The following TOM1L1 variants were observed in gnomAD, a reference collection of about 807,000 sequenced individuals.
The protein encoded by TOM1L1 is target of myb1 like 1 membrane trafficking protein.
Under a neutral mutation model 63.4 loss-of-function variants are expected in TOM1L1, and 64 were observed. The observed-to-expected ratio is 1.01, with a 90% CI of 0.83 to 1.24. TOM1L1 has a LOEUF of 1.24. Among genes scored for constraint, TOM1L1 ranks in the 50% most tolerant of loss-of-function variants. The probability of loss-of-function intolerance (pLI) is 0.00; values close to 1 mark genes in which losing one functional copy is unlikely to be tolerated. For synonymous variants in TOM1L1, 166 were observed against 194.4 expected (o/e 0.85, Z 1.22); for missense variants, 536 against 567.0 (o/e 0.95, Z 0.55).
At chr17:54,949,402 ATTC>A (rs1261355941) in intron 12 of TOM1L1, 113 bp from the exon 13 acceptor site, 1 of 702,442 alleles carries the variant, frequency 1.4e-6, no homozygotes, top group Non-Finnish European at 2.4e-6. Flanking sequence ...AAAACAACTT[ATTC>A]TTGTCCAGTT....
rs568650528 is a variant in TOM1L1 at position 54,905,936 on chromosome 17, G to A, written c.222+369G>A. ...TATAATCCTAGCACTTTGGGAGGCC[G>A]AGGTGGGATGATCGCTTGAGCCCAG... On this transcript the variant is annotated intron_variant, in intron 3 of 15. Transcript: ENST00000575882. 2.6e-5 allele frequency among the ~76,000 whole-genome samples: 4 copies of A among 152,160 alleles called. No homozygotes were observed. The South Asian group carries it at 6.2e-4, about 24-fold the overall frequency.
At chr17:54,947,482 C>T (rs2049139993) in intron 12 of TOM1L1, 170 bp downstream of exon 12, 2 of 646,550 alleles carry the variant, frequency 3.1e-6, no homozygotes, top group African/African-American at 3.6e-5. Context: ...TATTTGCTAT[C>T]TCCACTTCCT....
chr17:54,908,660 A>G (rs569843375), intron 3 of TOM1L1, among the ~76,000 whole-genome samples: 2 of 152,270 alleles, frequency 1.3e-5, no homozygotes, highest in South Asian at 2.1e-4. Flanking sequence ...ATTTCCTACC[A>G]TCAGTCGGTG....
At chr17:54,921,331 G>A (rs1391734861) in intron 7 of TOM1L1, among the ~76,000 whole-genome samples, 1 of 152,132 alleles carries the variant, frequency 6.6e-6, no homozygotes, top group African/African-American at 2.4e-5. Context: ...GTACAGTGCT[G>A]TGCAAAAAAT....
intron 15 of TOM1L1, among the ~76,000 whole-genome samples, 169 bp downstream of exon 15, chr17:54,960,796 G>C (rs901421344): frequency 1.3e-5 from 2 of 152,144 alleles, no homozygotes; most frequent in African/African-American, 4.8e-5. Flanking sequence ...GTTCACTAAT[G>C]AGAGTCATTC....
At chr17:54,915,280 T>C (rs1440094747) in intron 6 of TOM1L1, among the ~76,000 whole-genome samples, 1 of 152,224 alleles carries the variant, frequency 6.6e-6, no homozygotes, top group Non-Finnish European at 1.5e-5. Flanking sequence ...GACTAATTCC[T>C]CTTAGAATTT....
chr17:54,915,767 T>C lies in TOM1L1; in HGVS notation c.625T>C (p.Leu209=). Residue 209 remains leucine (L), a synonymous_variant, in exon 7 of 16, where the codon TTG becomes CTG. Coordinates refer to ENST00000575882, the MANE Select transcript of TOM1L1 (RefSeq NM_005486.3). ...PEQIGKLHSE[L]DMVKMNVRVM... ...ACAGATTGGAAAACTGCACAGTGAATTGGATATGGTGAAAATGAATGTGCG... is the reference window on the plus strand; with the variant it reads ...ACAGATTGGAAAACTGCACAGTGAACTGGATATGGTGAAAATGAATGTGCG... The C allele has an allele frequency of 1.2e-6, 2 of 1,610,822 alleles. No homozygotes were observed. The highest frequency in any genetic ancestry group is 1.7e-6 in the Non-Finnish European group (2 of 1,178,608).
chr17:54,911,329 C>A (rs1214913102), intron 3 of TOM1L1, among the ~76,000 whole-genome samples: 1 of 152,104 alleles, frequency 6.6e-6, no homozygotes, highest in Non-Finnish European at 1.5e-5. Context: ...AGTAGGTGAA[C>A]CCCAGTGTTT....
intron 7 of TOM1L1, among the ~76,000 whole-genome samples, chr17:54,922,422 C>T (rs1237773395): frequency 6.6e-6 from 1 of 152,012 alleles, no homozygotes; most frequent in Non-Finnish European, 1.5e-5. Context: ...GCCTGGGCAA[C>T]ATAGTGAGAC....
intron 7 of TOM1L1, among the ~76,000 whole-genome samples, chr17:54,918,258 G>A (rs1188065371): frequency 6.6e-6 from 1 of 152,150 alleles, no homozygotes; most frequent in Non-Finnish European, 1.5e-5. Context: ...GGCTCAGAAG[G>A]CTTTTTAAAG....
At position 54,961,309 on chromosome 17, in the gene TOM1L1, A is replaced by C. The variant is rs1448003751; in HGVS notation, c.*76A>C. Reference sequence around the variant, plus strand: ...AAAACGTAGACTCTGTGCAGCTTTGAAGCCTGGAAGACAATACCTACCAAC... The same window carrying C: ...AAAACGTAGACTCTGTGCAGCTTTGCAGCCTGGAAGACAATACCTACCAAC... On this transcript the variant is annotated 3_prime_UTR_variant, in exon 16 of 16. Coordinates refer to ENST00000575882, the MANE Select transcript of TOM1L1 (RefSeq NM_005486.3). The C allele has an allele frequency of 3.2e-6, 5 of 1,551,458 alleles. No individual in the cohort carries two copies. The Admixed American group carries it at 9.8e-5, about 30-fold the overall frequency.
At chr17:54,927,056 C>G (rs552519286) in intron 7 of TOM1L1, among the ~76,000 whole-genome samples, 2 of 152,314 alleles carry the variant, frequency 1.3e-5, no homozygotes, top group South Asian at 4.1e-4. Flanking sequence ...TATGTTAATG[C>G]TTTTCTTAAG....
At chr17:54,900,956 G>A (rs755776533) in intron 1 of TOM1L1, 33 bp downstream of exon 1, 1 of 1,613,332 alleles carries the variant, frequency 6.2e-7, no homozygotes. Context: ...GCCCAGGCAG[G>A]CAGGGGACCG....
intron 5 of TOM1L1, 77 bp downstream of exon 5, chr17:54,913,950 C>G: frequency 6.8e-7 from 1 of 1,462,662 alleles, no homozygotes; most frequent in Non-Finnish European, 9.1e-7. Flanking sequence ...GGAGACAACC[C>G]TAAATCCACC....
At chr17:54,920,016 T>G (rs1158466874) in intron 7 of TOM1L1, among the ~76,000 whole-genome samples, 1 of 152,046 alleles carries the variant, frequency 6.6e-6, no homozygotes, top group Non-Finnish European at 1.5e-5. Context: ...ATTTTATTTA[T>G]TCATTTTTTC....
At chr17:54,935,888 C>T (rs1027260411) in intron 8 of TOM1L1, among the ~76,000 whole-genome samples, 2 of 151,988 alleles carry the variant, frequency 1.3e-5, no homozygotes, top group African/African-American at 2.4e-5. Context: ...TTTGGGAGGC[C>T]GAGGTGGGCG....
intron 1 of TOM1L1, among the ~76,000 whole-genome samples, chr17:54,901,724 T>C (rs2048330757): frequency 6.6e-6 from 1 of 152,094 alleles, no homozygotes; most frequent in Non-Finnish European, 1.5e-5. Context: ...AGTGGGGTGA[T>C]GAAATCGTGA....
chr17:54,936,974 A>ATAT (rs1463031732), intron 9 of TOM1L1, 135 bp from the exon 10 acceptor site: 2 of 772,382 alleles, frequency 2.6e-6, no homozygotes, highest in Admixed American at 4.8e-5. Context: ...ATTCATACTA[A>ATAT]TGTTGCTCGT....
At chr17:54,946,050 T>C (rs1331917713) in intron 11 of TOM1L1, among the ~76,000 whole-genome samples, 1 of 152,226 alleles carries the variant, frequency 6.6e-6, no homozygotes, top group Non-Finnish European at 1.5e-5. Flanking sequence ...CTAGATTCAT[T>C]CCACAGTTTT....
Sources: allele counts gnomAD v4.1 joint callset (sites outside exome capture counted in the v4.1 genomes callset), GRCh38; gene constraint gnomAD v4.1.1; transcripts MANE v1.5; gene names NCBI Gene and HGNC (gene_info 2026-07-23, HGNC 2026-07-21).